The following WIPF1 variants were observed in gnomAD, a reference collection of about 807,000 sequenced individuals.
The protein encoded by WIPF1 is WAS/WASL interacting protein family member 1, also known as WAS/WASL-interacting protein family member 1.
A neutral mutation model predicts 35.4 loss-of-function variants in WIPF1; 13 were observed. The observed-to-expected ratio is 0.37, with a 90% CI of 0.24 to 0.58. The LOEUF (loss-of-function observed/expected upper bound fraction) is 0.58. Ranked by LOEUF, WIPF1 falls within the 20% of genes least tolerant of loss-of-function variation. WIPF1 has a pLI of 0.74. For missense variants in WIPF1, 591 were observed against 667.0 expected (o/e 0.89, Z 1.25); for synonymous variants, 267 against 266.3 (o/e 1.00, Z -0.02).
intron 3 of WIPF1, among the ~76,000 whole-genome samples, chr2:174,578,960 A>G (rs563278119): frequency 6.6e-6 from 1 of 152,374 alleles, no homozygotes; most frequent in East Asian, 1.9e-4. Context: ...GGACACGTTT[A>G]CATGGTACTG....
chr2:174,563,001 T>A (rs1481299927), intron 7 of WIPF1, among the ~76,000 whole-genome samples: 1 of 152,216 alleles, frequency 6.6e-6, no homozygotes, highest in Non-Finnish European at 1.5e-5. Flanking sequence ...AGAAATAAGA[T>A]CATATAGTCA....
chr2:174,566,852 G>A, intron 7 of WIPF1: 1 of 473,964 alleles, frequency 2.1e-6, no homozygotes, highest in Non-Finnish European at 3.8e-6. Flanking sequence ...ACGGTATTTT[G>A]AGCTTGTAAT....
intron 1 of WIPF1, among the ~76,000 whole-genome samples, chr2:174,657,245 A>G (rs1013541345): frequency 2.6e-5 from 4 of 152,254 alleles, no homozygotes; most frequent in South Asian, 2.1e-4. Flanking sequence ...CCATAAAACA[A>G]AATGCCAAGA....
At position 174,622,585 on chromosome 2, in the gene WIPF1, G is replaced by T. The variant is rs1365961907; in HGVS notation, c.-38-36974C>A. ...CTCTATGCCGCCAGTGCTCCGTGGG[G>T]TGCGCCTATCCTAACTCACCGAATC... On this transcript the variant is annotated intron_variant, in intron 1 of 8. Coordinates refer to the WIPF1 transcript ENST00000272746. The surrounding 1 kb of genome is among the most constrained non-coding windows in gnomAD (Gnocchi z 5.1). 6.6e-6 allele frequency among the ~76,000 whole-genome samples: 1 copy of T among 152,106 alleles called. No homozygotes were observed. The highest frequency in any genetic ancestry group is 2.4e-5 in the African/African-American group (1 of 41,404).
chr2:174,599,817 A>ATC (rs60827805), upstream of WIPF1, among the ~76,000 whole-genome samples: 4,912 of 139,378 alleles, frequency 0.035, 282 homozygotes, highest in African/African-American at 0.12. Flanking sequence ...CTCTCTAGCT[A>ATC]TCTCTCTCTC....
intron 1 of WIPF1, chr2:174,665,798 T>G (rs1574868303): frequency 6.6e-6 from 1 of 152,380 alleles, no homozygotes; most frequent in Admixed American, 6.5e-5. Flanking sequence ...GAACCCTGGT[T>G]TAGACAATGT....
At chr2:174,646,641 C>T (rs1276483113) in intron 1 of WIPF1, among the ~76,000 whole-genome samples, 1 of 152,094 alleles carries the variant, frequency 6.6e-6, no homozygotes, top group Non-Finnish European at 1.5e-5. Flanking sequence ...CTTTCTTTTT[C>T]TGAGATGGAG....
intron 1 of WIPF1, among the ~76,000 whole-genome samples, chr2:174,633,873 C>T (rs962780075): frequency 2.6e-5 from 4 of 152,072 alleles, no homozygotes; most frequent in South Asian, 2.1e-4. Context: ...AGGATTTCCT[C>T]GTCTCATATT....
rs117151494 is a variant in WIPF1, at chr2:174,643,529, C to T, written c.-39+39245G>A. ...CTGGGTCCAGGAGATTCTCGAGCCT[C>T]AGCCTCCCAAGTAGCTGGAATTACA... On this transcript the variant is annotated intron_variant, in intron 1 of 8. Transcript: ENST00000272746. Among the ~76,000 whole-genome samples the T allele has an allele frequency of 1.1e-4, 16 of 148,978 alleles. No homozygotes were observed. In the East Asian group the frequency reaches 2.7e-3, roughly 25 times the overall value.
At chr2:174,619,085 C>T (rs1178505898) in intron 1 of WIPF1, among the ~76,000 whole-genome samples, 1 of 152,090 alleles carries the variant, frequency 6.6e-6, no homozygotes, top group East Asian at 1.9e-4. Context: ...TCCTGAGTAG[C>T]TGGGACCACA....
intron 1 of WIPF1, among the ~76,000 whole-genome samples, chr2:174,638,784 T>C (rs986983759): frequency 6.6e-6 from 1 of 152,194 alleles, no homozygotes; most frequent in Non-Finnish European, 1.5e-5. Flanking sequence ...CACGTTTTAT[T>C]TGTTGGACAT....
chr2:174,652,400 T>C (rs778582842), intron 1 of WIPF1, among the ~76,000 whole-genome samples: 10 of 152,234 alleles, frequency 6.6e-5, no homozygotes, highest in Non-Finnish European at 1.2e-4. Flanking sequence ...AGCTTCTGAA[T>C]TGTGGGAGGC....
chr2:174,626,838 C>T (rs1686848399), intron 1 of WIPF1, among the ~76,000 whole-genome samples: 1 of 152,182 alleles, frequency 6.6e-6, no homozygotes, highest in Non-Finnish European at 1.5e-5. Context: ...CTTGTGCTCC[C>T]ACAGTCTATT....
chr2:174,667,315 C>T (rs1325527740), intron 1 of WIPF1, among the ~76,000 whole-genome samples: 1 of 152,176 alleles, frequency 6.6e-6, no homozygotes, highest in African/African-American at 2.4e-5. Context: ...CTTATAGTTT[C>T]AATTCTCCCA....
chr2:174,674,259 G>A (rs1688082426), intron 1 of WIPF1, among the ~76,000 whole-genome samples: 1 of 152,172 alleles, frequency 6.6e-6, no homozygotes, highest in South Asian at 2.1e-4. Context: ...TCCTCTTTAT[G>A]TAATTCAGCA....
chr2:174,599,150 G>A (rs945232409), upstream of WIPF1, among the ~76,000 whole-genome samples: 3 of 152,204 alleles, frequency 2.0e-5, no homozygotes, highest in Non-Finnish European at 4.4e-5. Flanking sequence ...AACTGGGCTA[G>A]ATGAGTAATT....
At chr2:174,574,025 G>A (rs1390506756) in intron 4 of WIPF1, among the ~76,000 whole-genome samples, 1 of 151,468 alleles carries the variant, frequency 6.6e-6, no homozygotes, top group Non-Finnish European at 1.5e-5. Context: ...GGGTAGCTGC[G>A]ACTACAGGCA....
rs1379550592 is a variant in WIPF1 at position 174,560,857 on chromosome 2, GA to G, written c.*1689del. 1 of 152,490 alleles carries G rather than the reference GA, an allele frequency of 6.6e-6. No individual in the cohort carries two copies. Among genetic ancestry groups the G allele is most frequent in the Non-Finnish European group, 1.5e-5 (1 of 68,018 alleles). The allele number at this position is 152,490 out of a possible 1,614,324, so 9.4% of individuals were successfully genotyped here. ...AAATGAAACATTTATTCTATAAATA[GA>G]AATGTATTTTTCAGAATTTTCTTTG... On this transcript the variant is annotated 3_prime_UTR_variant, in exon 8 of 8. Coordinates refer to ENST00000679041, the MANE Select transcript of WIPF1 (RefSeq NM_001375834.1).
At position 174,562,022 on chromosome 2, in the gene WIPF1, ATT is replaced by A; in HGVS notation, c.*523_*524del. 2.0e-6 allele frequency: 3 copies of A among 1,528,650 alleles called. No individual in the cohort carries two copies. Among genetic ancestry groups the A allele is most frequent in the Non-Finnish European group, 2.7e-6 (3 of 1,128,126 alleles). 94.7% of individuals were successfully genotyped at this position (1,528,650 alleles called of 1,614,324 possible). ...TATATGGGGCTCACATTATATTTCT[ATT>A]GGACAGCTCTGTCCTAGAGCCAAGC... On this transcript the variant is annotated 3_prime_UTR_variant, in exon 8 of 8. Coordinates refer to ENST00000679041, the MANE Select transcript of WIPF1 (RefSeq NM_001375834.1).
Sources: allele counts gnomAD v4.1 joint callset (sites outside exome capture counted in the v4.1 genomes callset), GRCh38; gene constraint gnomAD v4.1.1; non-coding constraint Gnocchi (gnomAD v3.1); transcripts MANE v1.5; gene names NCBI Gene and HGNC (gene_info 2026-07-23, HGNC 2026-07-21).